Variants in IRAK3 observed in about 807,000 individuals in gnomAD.
IRAK3 encodes the protein interleukin-1 receptor-associated kinase 3.
In IRAK3, 57 loss-of-function variants were observed where a neutral mutation model predicts 56.6. The observed-to-expected ratio is 1.01, with a 90% CI of 0.81 to 1.26. IRAK3 has a LOEUF of 1.26. IRAK3 is among the 50% of genes most tolerant of loss of function. IRAK3 has a pLI of 0.00. For synonymous variants in IRAK3, 258 were observed against 255.7 expected (o/e 1.01, Z -0.09); for missense variants, 703 against 719.0 (o/e 0.98, Z 0.25).
chr12:66,247,218 C>T (rs945282933), intron 11 of IRAK3, among the ~76,000 whole-genome samples: 2 of 152,014 alleles, frequency 1.3e-5, no homozygotes, highest in South Asian at 2.1e-4. Flanking sequence ...TGCAGTTAGC[C>T]GAGATTATCC....
chr12:66,213,354 CA>C (rs1299985892), intron 5 of IRAK3, among the ~76,000 whole-genome samples: 1 of 152,118 alleles, frequency 6.6e-6, no homozygotes, highest in African/African-American at 2.4e-5. Context: ...GGGGACACAG[CA>C]AAACCATATC....
intron 2 of IRAK3, among the ~76,000 whole-genome samples, chr12:66,204,776 G>GCGCA (rs1555202793): frequency 1.3e-5 from 1 of 77,066 alleles, no homozygotes; most frequent in African/African-American, 7.6e-5. Flanking sequence ...ATGAGCCCTT[G>GCGCA]CGCACACACA....
chr12:66,203,636 C>T (rs553900066), intron 1 of IRAK3, 75 bp from the exon 2 acceptor site: 1 of 1,275,042 alleles, frequency 7.8e-7, no homozygotes, highest in East Asian at 2.4e-5. Context: ...GGAAATAAAA[C>T]ATTAGGTACA....
intron 5 of IRAK3, among the ~76,000 whole-genome samples, chr12:66,215,905 T>C (rs1040421981): frequency 8.6e-5 from 13 of 151,872 alleles, no homozygotes; most frequent in African/African-American, 2.9e-4. Flanking sequence ...TTTTGTAACA[T>C]TGGTTCATTA....
In IRAK3 at chr12:66,228,342, T is replaced by C; in HGVS notation, c.859T>C (p.Cys287Arg). 6.2e-7 allele frequency: 1 copy of C among 1,613,798 alleles called. No homozygotes were observed. Among genetic ancestry groups the C allele is most frequent in the South Asian group, 1.1e-5 (1 of 91,074 alleles). The change falls in exon 8 of 12, where the codon TGC becomes CGC. Residue 287 changes from cysteine (C) to arginine (R), a missense_variant. Transcript: ENST00000261233. Reference protein sequence around the residue: ...AIHYLHNVQPCSVICGSISSA... With the variant: ...AIHYLHNVQPRSVICGSISSA... ...TCACTACCTGCACAACGTTCAACCATGCTCGGTCATCTGTGGCAGTATATC... is the reference window on the plus strand; with the variant it reads ...TCACTACCTGCACAACGTTCAACCACGCTCGGTCATCTGTGGCAGTATATC...
Position 66,203,747 on chromosome 12 carries a change from A to T in IRAK3, c.170A>T (p.His57Leu), listed in dbSNP as rs35239505. ...RLSSSWLDVR[H>L]IEKYVDQGKS... ...TCAAGCAGCTGGCTGGATGTTCGTCATATTGAAAAGTATGTAGACCAAGGT... is the reference window on the plus strand; with the variant it reads ...TCAAGCAGCTGGCTGGATGTTCGTCTTATTGAAAAGTATGTAGACCAAGGT... Residue 57 changes from histidine to leucine, a missense_variant, in exon 2 of 12, where the codon CAT becomes CTT. Transcript: ENST00000261233. 6.8e-6 allele frequency: 11 copies of T among 1,614,118 alleles called. No individual in the cohort carries two copies. Among genetic ancestry groups the T allele is most frequent in the East Asian group, 2.2e-5 (1 of 44,874 alleles).
chr12:66,248,664 A>C lies in IRAK3; in HGVS notation c.*493A>C, dbSNP rs1592607237. The C allele has an allele frequency of 6.6e-6, 1 of 152,424 alleles. No homozygotes were observed. Among genetic ancestry groups the C allele is most frequent in the Non-Finnish European group, 1.5e-5 (1 of 68,400 alleles). 9.4% of individuals were successfully genotyped at this position (152,424 alleles called of 1,614,324 possible). On this transcript the variant is annotated 3_prime_UTR_variant, in exon 12 of 12. Transcript: ENST00000261233. ...AAGAATCACCTTGTTATTCTGATTG[A>C]CCCCTCTTGTTTTTTGGTTAATCCC...
chr12:66,211,691 G>A (rs888756095), intron 5 of IRAK3, 94 bp downstream of exon 5: 1 of 1,090,930 alleles, frequency 9.2e-7, no homozygotes, highest in African/African-American at 1.6e-5. Context: ...ATTGAAAGGG[G>A]TATTTGAAAA....
chr12:66,201,793 C>G (rs2052510360), intron 1 of IRAK3, among the ~76,000 whole-genome samples: 1 of 152,090 alleles, frequency 6.6e-6, no homozygotes, highest in African/African-American at 2.4e-5. Flanking sequence ...CTTTTAATTG[C>G]TCAAAAGTGT....
Position 66,189,361 on chromosome 12 carries a change from C to T in IRAK3, c.62C>T (p.Pro21Leu), listed in dbSNP as rs1040230341. The change falls in exon 1 of 12, where the codon CCG becomes CTG. Residue 21 changes from proline to leucine, a missense_variant. Coordinates refer to ENST00000261233, the MANE Select transcript of IRAK3 (RefSeq NM_007199.3). ...LSAHTLLFDL[P>L]PALLGELCAV... ...GCGCACACGCTGCTGTTCGACCTGC[C>T]GCCCGCGCTGCTCGGAGAGCTCTGC... 1.3e-6 allele frequency: 2 copies of T among 1,530,696 alleles called. No homozygotes were observed. The highest frequency in any genetic ancestry group is 2.0e-5 in the Admixed American group (1 of 50,836). The allele number at this position is 1,530,696 out of a possible 1,614,324, so 94.8% of individuals were successfully genotyped here.
At chr12:66,228,083 A>C (rs1475492679) in intron 7 of IRAK3, among the ~76,000 whole-genome samples, 169 bp from the exon 8 acceptor site, 1 of 152,234 alleles carries the variant, frequency 6.6e-6, no homozygotes, top group African/African-American at 2.4e-5. Context: ...CAGTAGCAGA[A>C]GGAAACCCAT....
chr12:66,207,464 T>C (rs2052568352), intron 2 of IRAK3, among the ~76,000 whole-genome samples: 1 of 82,692 alleles, frequency 1.2e-5, no homozygotes, highest in Non-Finnish European at 2.6e-5. Flanking sequence ...AAAGTGAGAC[T>C]CCATCTCCAA....
chr12:66,209,402 A>T (rs2052590460), intron 2 of IRAK3, 54 bp from the exon 3 acceptor site: 3 of 1,016,994 alleles, frequency 2.9e-6, no homozygotes, highest in Admixed American at 1.7e-5. Context: ...AGAAAGGAAA[A>T]ACATTAGGGA....
intron 2 of IRAK3, 149 bp downstream of exon 2, chr12:66,204,042 G>T: frequency 1.5e-6 from 1 of 685,264 alleles, no homozygotes; most frequent in African/African-American, 1.8e-5. Flanking sequence ...GGACTTTCCA[G>T]CTTCACATTT....
At chr12:66,233,742 G>T (rs1485293097) in intron 8 of IRAK3, among the ~76,000 whole-genome samples, 3 of 149,668 alleles carry the variant, frequency 2.0e-5, no homozygotes, top group African/African-American at 7.3e-5. Context: ...CACGGTCTTT[G>T]TGCATACCCA....
rs569517812 is a variant in IRAK3 at position 66,252,037 on chromosome 12, C to T, written c.*3866C>T. ...GAAATAGAAAAGAGCACTGACGAAG[C>T]ACTCAGGATGGCTATTCAAGGAATT... On this transcript the variant is annotated 3_prime_UTR_variant, in exon 12 of 12. Coordinates refer to ENST00000261233, the MANE Select transcript of IRAK3 (RefSeq NM_007199.3). 4 of 152,210 alleles carry T rather than the reference C, an allele frequency of 2.6e-5. No individual in the cohort carries two copies. The highest frequency in any genetic ancestry group is 5.9e-5 in the Non-Finnish European group (4 of 68,038). The allele number at this position is 152,210 out of a possible 1,614,324, so 9.4% of individuals were successfully genotyped here.
At chr12:66,194,566 G>A (rs780484249) in intron 1 of IRAK3, among the ~76,000 whole-genome samples, 4 of 152,130 alleles carry the variant, frequency 2.6e-5, no homozygotes, top group South Asian at 2.1e-4. Context: ...GGTGGTTCAC[G>A]CCGGTAATCC....
chr12:66,249,641 T>G lies in IRAK3; in HGVS notation c.*1470T>G, dbSNP rs1286354693. 1 of 152,670 alleles carries G rather than the reference T, an allele frequency of 6.6e-6. No homozygotes were observed. The highest frequency in any genetic ancestry group is 1.5e-5 in the Non-Finnish European group (1 of 68,038). 9.5% of individuals were successfully genotyped at this position (152,670 alleles called of 1,614,324 possible). A position where few individuals can be genotyped will look rare whatever the true frequency, so the allele number is the denominator to read the frequency against. On this transcript the variant is annotated 3_prime_UTR_variant, in exon 12 of 12. Transcript: ENST00000261233. ...TGGGGAGAACTCACTGCCTTGCCTT[T>G]TCCAGCTTCTAGAGGCCACCTGCCT...
chr12:66,192,129 C>T (rs1256271976), intron 1 of IRAK3, among the ~76,000 whole-genome samples: 2 of 152,324 alleles, frequency 1.3e-5, no homozygotes, highest in East Asian at 3.9e-4. Context: ...AGGAGTGAGT[C>T]TGAGGCACAA....
Sources: gnomAD v4.1 joint callset for allele counts (sites outside exome capture counted in the v4.1 genomes callset) on GRCh38, gnomAD v4.1.1 for gene constraint, MANE v1.5 for transcripts, NCBI Gene and HGNC (gene_info 2026-07-23, HGNC 2026-07-21) for gene names.